Variants in FSTL5 observed in about 807,000 individuals in gnomAD.
FSTL5 encodes follistatin like 5.
A neutral mutation model predicts 89.1 loss-of-function variants in FSTL5; 62 were observed. The ratio of observed to expected loss-of-function variants is 0.70; its 90% CI spans 0.57 to 0.86. The LOEUF is 0.86. FSTL5 is among the 40% of genes least tolerant of loss of function. FSTL5 has a pLI of 0.00. For synonymous variants in FSTL5, 383 were observed against 346.2 expected, an observed-to-expected ratio of 1.11 and a Z score of -1.18; for missense variants, 1,057 against 1,001.6, an observed-to-expected ratio of 1.06 and a Z score of -0.75.
chr4:161,677,093 A>ACTG (rs1737332284), intron 6 of FSTL5, among the ~76,000 whole-genome samples: 1 of 152,006 alleles, frequency 6.6e-6, no homozygotes, highest in Non-Finnish European at 1.5e-5. Flanking sequence ...TCTTAAATTA[A>ACTG]ATGATTGACC....
intron 8 of FSTL5, among the ~76,000 whole-genome samples, chr4:161,560,073 A>C (rs563200498): frequency 9.2e-5 from 14 of 151,914 alleles, no homozygotes; most frequent in African/African-American, 3.4e-4. Flanking sequence ...TTAGCTCATC[A>C]GCCATCATTA....
chr4:162,089,632 C>CAAAAAAAAAAAAAA (rs755573032), intron 2 of FSTL5, among the ~76,000 whole-genome samples: 1 of 42,560 alleles, frequency 2.3e-5, no homozygotes, highest in Non-Finnish European at 5.3e-5. Flanking sequence ...GAATCTGTCT[C>CAAAAAAAAAAAAAA]AAAAAAAAAA....
intron 4 of FSTL5, among the ~76,000 whole-genome samples, chr4:161,810,166 C>CA (rs1375432305): frequency 9.9e-5 from 15 of 151,498 alleles, no homozygotes; most frequent in Non-Finnish European, 1.8e-4. Context: ...TGAGTAATTG[C>CA]AAAAAAACTC....
intron 3 of FSTL5, among the ~76,000 whole-genome samples, chr4:161,926,928 A>G (rs970024359): frequency 9.9e-5 from 15 of 151,976 alleles, no homozygotes; most frequent in African/African-American, 3.1e-4. Context: ...CTTTAACATT[A>G]TAAATAGATT....
At chr4:161,894,216 G>T (rs1040592611) in intron 4 of FSTL5, among the ~76,000 whole-genome samples, 1 of 152,002 alleles carries the variant, frequency 6.6e-6, no homozygotes, top group Admixed American at 6.6e-5. Flanking sequence ...TTAATATCAG[G>T]CCTCTTTGAC....
chr4:162,053,076 G>A (rs1338725257), intron 2 of FSTL5, among the ~76,000 whole-genome samples: 1 of 151,748 alleles, frequency 6.6e-6, no homozygotes, highest in Admixed American at 6.6e-5. Context: ...AATTAATTTT[G>A]AAAGGCTAAT....
intron 3 of FSTL5, among the ~76,000 whole-genome samples, chr4:161,960,487 T>C (rs1735147230): frequency 6.6e-6 from 1 of 152,040 alleles, no homozygotes; most frequent in Non-Finnish European, 1.5e-5. Flanking sequence ...CTGGCCATTT[T>C]AATATAATTG....
At chr4:161,724,253 A>C (rs559796679) in intron 6 of FSTL5, among the ~76,000 whole-genome samples, 1 of 152,236 alleles carries the variant, frequency 6.6e-6, no homozygotes, top group African/African-American at 2.4e-5. Flanking sequence ...CTTAAATATT[A>C]CTCCTGCTCC....
intron 6 of FSTL5, among the ~76,000 whole-genome samples, chr4:161,673,238 C>T (rs898734915): frequency 1.3e-5 from 2 of 151,924 alleles, no homozygotes; most frequent in Non-Finnish European, 2.9e-5. Context: ...TTCTATGGGA[C>T]ATTTGATTAT....
chr4:161,619,781 C>G (rs1019689852), intron 7 of FSTL5, among the ~76,000 whole-genome samples: 1 of 152,024 alleles, frequency 6.6e-6, no homozygotes, highest in African/African-American at 2.4e-5. Context: ...GTCAGTGTGG[C>G]GATTCCTCAG....
chr4:161,611,336 T>C (rs958809976), intron 7 of FSTL5, among the ~76,000 whole-genome samples: 1 of 149,910 alleles, frequency 6.7e-6, no homozygotes, highest in African/African-American at 2.4e-5. Context: ...CAATTTTACA[T>C]TAATTTATCA....
At position 161,985,157 on chromosome 4, in the gene FSTL5, T is replaced by C. The variant is rs148908613; in HGVS notation, c.160+48468A>G. 2.7e-3 allele frequency among the ~76,000 whole-genome samples: 403 copies of C among 152,012 alleles called. 1 individual carries two copies. The highest frequency in any genetic ancestry group is 7.3e-3 in the African/African-American group (301 of 41,506). On this transcript the variant is annotated intron_variant, in intron 3 of 15. Coordinates refer to ENST00000306100, the MANE Select transcript of FSTL5 (RefSeq NM_020116.5). ...TTTTTAGTGAAGGTGGGATTTCACC[T>C]CTCTGAGTAATTCTTATATTTACCC...
At chr4:161,421,728 T>C (rs1055884493) in intron 15 of FSTL5, among the ~76,000 whole-genome samples, 2 of 152,196 alleles carry the variant, frequency 1.3e-5, no homozygotes, top group Non-Finnish European at 2.9e-5. Flanking sequence ...GTCCAATCTG[T>C]TGAGGGCTTG....
At chr4:161,798,487 A>AAGTATTTAGTATTT (rs1004690874) in intron 4 of FSTL5, among the ~76,000 whole-genome samples, 7 of 150,854 alleles carry the variant, frequency 4.6e-5, no homozygotes, top group Non-Finnish European at 8.9e-5. Context: ...TTTTTTTTTA[A>AAGTATTTAGTATTT]AGTATTTAGT....
At chr4:161,997,668 G>A (rs374876321) in intron 3 of FSTL5, among the ~76,000 whole-genome samples, 1 of 142,406 alleles carries the variant, frequency 7.0e-6, no homozygotes, top group Non-Finnish European at 1.5e-5. Flanking sequence ...GCAGTGGCAC[G>A]ATCTCTGCCC....
intron 4 of FSTL5, among the ~76,000 whole-genome samples, chr4:161,779,275 C>G (rs984799192): frequency 2.0e-5 from 3 of 151,400 alleles, no homozygotes; most frequent in Non-Finnish European, 1.5e-5. Flanking sequence ...ATAAAATAAC[C>G]AAAAAAAATT....
chr4:161,829,159 A>ATATATATATATG (rs1203481921), intron 4 of FSTL5, among the ~76,000 whole-genome samples: 1 of 147,102 alleles, frequency 6.8e-6, no homozygotes, highest in Non-Finnish European at 1.5e-5. Flanking sequence ...ATATATATAT[A>ATATATATATATG]TATGTACACA....
At chr4:161,569,266 T>G (rs1313240244) in intron 8 of FSTL5, among the ~76,000 whole-genome samples, 1 of 152,090 alleles carries the variant, frequency 6.6e-6, no homozygotes, top group African/African-American at 2.4e-5. Context: ...GAGCAATTAA[T>G]GAACAAATAC....
At chr4:161,406,171 TA>T (rs1731367536) in intron 15 of FSTL5, among the ~76,000 whole-genome samples, 1 of 152,130 alleles carries the variant, frequency 6.6e-6, no homozygotes, top group Non-Finnish European at 1.5e-5. Flanking sequence ...ATTACATGGG[TA>T]AAAAATGAAG....
Sources: gnomAD v4.1 joint callset for allele counts (sites outside exome capture counted in the v4.1 genomes callset) on GRCh38, gnomAD v4.1.1 for gene constraint, MANE v1.5 for transcripts, NCBI Gene and HGNC (gene_info 2026-07-23, HGNC 2026-07-21) for gene names.